SEPTIN3: variants seen among roughly 807,000 people sequenced by gnomAD.
The protein encoded by SEPTIN3 is neuronal-specific septin-3.
In SEPTIN3, 15 loss-of-function variants were observed where a neutral mutation model predicts 45.1. The observed-to-expected ratio is 0.33, with a 90% confidence interval of 0.22 to 0.51. The LOEUF (loss-of-function observed/expected upper bound fraction) is 0.51, where lower values mean the gene tolerates loss of function less well. Ranked by LOEUF, SEPTIN3 falls within the 20% of genes least tolerant of loss-of-function variation. The pLI is 0.97. For missense variants in SEPTIN3, 289 were observed against 457.2 expected (o/e 0.63, Z 3.35); for synonymous variants, 148 against 164.8 (o/e 0.90, Z 0.78).
At chr22:41,986,648 C>T (rs556475606) in intron 4 of SEPTIN3, among the ~76,000 whole-genome samples, 42 of 152,096 alleles carry the variant, frequency 2.8e-4, no homozygotes, top group African/African-American at 7.0e-4. Flanking sequence ...TACAGGCACC[C>T]GCCACCACGC....
At chr22:41,996,461 G>A in intron 11 of SEPTIN3, 1 of 989,558 alleles carries the variant, frequency 1.0e-6, no homozygotes, top group African/African-American at 1.7e-5. Context: ...TTATCACTCA[G>A]GTGCTAGGAA....
intron 2 of SEPTIN3, among the ~76,000 whole-genome samples, chr22:41,978,156 A>G (rs897972600): frequency 2.0e-5 from 3 of 152,188 alleles, no homozygotes; most frequent in African/African-American, 7.2e-5. Context: ...TGTGGCGGAG[A>G]CAACAGCCAT....
chr22:41,973,207 C>G (rs1157364775), intron 2 of SEPTIN3, among the ~76,000 whole-genome samples: 1 of 152,038 alleles, frequency 6.6e-6, no homozygotes, highest in Non-Finnish European at 1.5e-5. Flanking sequence ...AGTCTGAGGT[C>G]AGGCTGAGGG....
At chr22:41,974,526 G>C (rs1293724549) in intron 2 of SEPTIN3, among the ~76,000 whole-genome samples, 1 of 151,958 alleles carries the variant, frequency 6.6e-6, no homozygotes, top group South Asian at 2.1e-4. Flanking sequence ...AGCCGGGTGT[G>C]GTGGTGGGTG....
At position 41,997,022 on chromosome 22, in the gene SEPTIN3, G is replaced by C. The variant is rs930468991; in HGVS notation, c.*55G>C. The C allele has an allele frequency of 1.9e-6, 3 of 1,612,794 alleles. No homozygotes were observed. The African/African-American group carries it at 4.0e-5, about 22-fold the overall frequency. ...ATTCCTCTCAGCTGTTATTGCTGCA[G>C]GGCCAAGCCCTTTTTAGTGCTGTGC... On this transcript the variant is annotated 3_prime_UTR_variant, in exon 12 of 12. Coordinates refer to ENST00000644076, the MANE Select transcript of SEPTIN3 (RefSeq NM_001363845.2).
At chr22:41,991,132 T>C (rs2078308386) in intron 7 of SEPTIN3, among the ~76,000 whole-genome samples, 1 of 151,952 alleles carries the variant, frequency 6.6e-6, no homozygotes, top group South Asian at 2.1e-4. Flanking sequence ...TCCTGGATGG[T>C]TTCCTGGAGA....
intron 2 of SEPTIN3, among the ~76,000 whole-genome samples, chr22:41,978,140 C>CT (rs2078060420): frequency 6.6e-6 from 1 of 152,194 alleles, no homozygotes; most frequent in Non-Finnish European, 1.5e-5. Context: ...ATTCTACTCC[C>CT]TTGACTGTGG....
chr22:41,976,991 GCCCGCGCCCCGCTCAGCCTTGCAGC>G lies in SEPTIN3; in HGVS notation c.1504+4005_1504+4029del. The G allele has an allele frequency of 6.6e-7, 1 of 1,516,940 alleles. No homozygotes were observed. Among genetic ancestry groups the G allele is most frequent in the Non-Finnish European group, 8.9e-7 (1 of 1,125,484 alleles). 94.0% of individuals were successfully genotyped at this position (1,516,940 alleles called of 1,614,324 possible). A position where few individuals can be genotyped will look rare whatever the true frequency, so the allele number is the denominator to read the frequency against. ...TGCAGGGGCCGCTCGGCCCGGGGAA[GCCCGCGCCCCGCTCAGCCTTGCAGC>G]CCCGCGCCCGGAGCATCTCCCTGGA... On this transcript the variant is annotated intron_variant, in intron 2 of 11. Transcript: ENST00000644076. The surrounding 1 kb of genome is among the most constrained non-coding windows in gnomAD (Gnocchi z 5.8).
In SEPTIN3 at chr22:41,989,576, T is replaced by A. The variant is rs555756779; in HGVS notation, c.2055T>A (p.Pro685=). 2.5e-6 allele frequency: 4 copies of A among 1,613,448 alleles called. No homozygotes were observed. In the South Asian group the frequency reaches 4.4e-5, roughly 18 times the overall value. ...FISPTGHSLR[P]LDLEFMKHLS... ...CTTTTCTGTGCCCCAGCTTGCGACC[T>A]CTGGATCTTGAGTTCATGAAACACC... The change falls in exon 7 of 12, where the codon CCT becomes CCA. Residue 685 remains proline (P), a synonymous_variant. Transcript: ENST00000644076.
At chr22:41,978,156 A>T (rs897972600) in intron 2 of SEPTIN3, among the ~76,000 whole-genome samples, 1 of 152,188 alleles carries the variant, frequency 6.6e-6, no homozygotes, top group Non-Finnish European at 1.5e-5. Context: ...TGTGGCGGAG[A>T]CAACAGCCAT....
In SEPTIN3 at chr22:41,976,509, ACG is replaced by A; in HGVS notation, c.1504+3519_1504+3520del. The A allele has an allele frequency of 6.6e-6, 1 of 152,102 alleles. No homozygotes were observed. Among genetic ancestry groups the A allele is most frequent in the Admixed American group, 6.6e-5 (1 of 15,264 alleles). 9.4% of individuals were successfully genotyped at this position (152,102 alleles called of 1,614,324 possible). ...CAACACCCCAGCCCCCGCGTGACTC[ACG>A]CGCGCTCACGGCCGCCCGCAGCTGC... On this transcript the variant is annotated intron_variant, in intron 2 of 11. Coordinates refer to ENST00000644076, the MANE Select transcript of SEPTIN3 (RefSeq NM_001363845.2). The surrounding 1 kb of genome is among the most constrained non-coding windows in gnomAD (Gnocchi z 5.8).
At chr22:41,991,724 T>G (rs1055082828) in intron 8 of SEPTIN3, 56 bp downstream of exon 8, 1 of 1,162,906 alleles carries the variant, frequency 8.6e-7, no homozygotes, top group Non-Finnish European at 1.3e-6. Flanking sequence ...CTCTGGGATG[T>G]GTATTGTGCA....
At chr22:41,988,932 C>T (rs943803765) in intron 6 of SEPTIN3, among the ~76,000 whole-genome samples, 7 of 151,988 alleles carry the variant, frequency 4.6e-5, no homozygotes, top group East Asian at 1.9e-4. Context: ...TCAAGACCAG[C>T]GTGGGCAACA....
chr22:41,972,755 G>A lies in SEPTIN3; in HGVS notation c.1263G>A (p.Lys421=). ...RVNRAKLGTA[K]NSLALDTSRM... is the part of the protein sequence containing the mutation. Reference sequence around the variant, plus strand: ...ACAGAGCCAAGCTGGGCACGGCTAAGAATTCTCTTGCTTTGGACACAAGCA... The same window carrying A: ...ACAGAGCCAAGCTGGGCACGGCTAAAAATTCTCTTGCTTTGGACACAAGCA... Residue 421 remains lysine (K), a synonymous_variant, in exon 2 of 12, where the codon AAG becomes AAA. Transcript: ENST00000644076. 5.0e-6 allele frequency: 2 copies of A among 399,098 alleles called. No homozygotes were observed. Among genetic ancestry groups the A allele is most frequent in the Non-Finnish European group, 8.8e-6 (2 of 226,110 alleles). 24.7% of individuals were successfully genotyped at this position (399,098 alleles called of 1,614,324 possible).
At chr22:41,974,115 T>C (rs2077988458) in intron 2 of SEPTIN3, among the ~76,000 whole-genome samples, 2 of 150,450 alleles carry the variant, frequency 1.3e-5, no homozygotes, top group African/African-American at 4.9e-5. Context: ...TGAACCATGA[T>C]TGTGCGACAG....
chr22:41,986,783 G>C (rs997903547), intron 4 of SEPTIN3, among the ~76,000 whole-genome samples: 2 of 151,906 alleles, frequency 1.3e-5, no homozygotes, highest in African/African-American at 4.8e-5. Flanking sequence ...TAACAGGCGT[G>C]AGCAACCACG....
At position 41,981,697 on chromosome 22, in the gene SEPTIN3, C is replaced by T. The variant is rs562144176; in HGVS notation, c.1557C>T (p.Pro519=). Residue 519 remains proline (P), a synonymous_variant, in exon 3 of 12, where the codon CCC becomes CCT. Transcript: ENST00000644076. Reference sequence around the variant, plus strand: ...CCATGTCAGAGCTGGTGCCTGAGCCCAGGCCTAAGCCAGCGGTGCCCATGA... The same window carrying T: ...CCATGTCAGAGCTGGTGCCTGAGCCTAGGCCTAAGCCAGCGGTGCCCATGA... ...DAAMSELVPE[P]RPKPAVPMKP... 1 of 1,613,966 alleles carries T rather than the reference C, an allele frequency of 6.2e-7. No homozygotes were observed. The highest frequency in any genetic ancestry group is 1.3e-5 in the African/African-American group (1 of 75,030).
chr22:41,978,352 C>T (rs2078064011), intron 2 of SEPTIN3, among the ~76,000 whole-genome samples: 1 of 152,212 alleles, frequency 6.6e-6, no homozygotes, highest in Non-Finnish European at 1.5e-5. Context: ...CACGGCCCCG[C>T]CCTAAAGAAG....
intron 7 of SEPTIN3, among the ~76,000 whole-genome samples, chr22:41,990,938 C>T (rs1359143177): frequency 6.6e-6 from 1 of 151,854 alleles, no homozygotes; most frequent in Non-Finnish European, 1.5e-5. Flanking sequence ...GTGGCATATG[C>T]CTGTAAGCCC....
Sources: allele counts gnomAD v4.1 joint callset (sites outside exome capture counted in the v4.1 genomes callset), GRCh38; gene constraint gnomAD v4.1.1; non-coding constraint Gnocchi (gnomAD v3.1); transcripts MANE v1.5; gene names NCBI Gene and HGNC (gene_info 2026-07-23, HGNC 2026-07-21).